Variants in HEATR4 observed in about 807,000 individuals in gnomAD.
HEATR4 encodes the protein HEAT repeat containing 4, also known as HEAT repeat-containing protein 4.
A neutral mutation model predicts 108.8 loss-of-function variants in HEATR4; 95 were observed. That is an observed-to-expected ratio of 0.87 (90% CI 0.74 to 1.04). HEATR4 has a LOEUF of 1.04. Ranked by LOEUF, HEATR4 falls within the 50% of genes least tolerant of loss-of-function variation. The probability of loss-of-function intolerance (pLI) is 0.00; values close to 1 mark genes in which losing one functional copy is unlikely to be tolerated. For synonymous variants in HEATR4, 443 were observed against 459.4 expected (o/e 0.96, Z 0.46); for missense variants, 1,152 against 1,253.8 (o/e 0.92, Z 1.23).
the HEATR4 span, among the ~76,000 whole-genome samples, chr14:73,604,110 CACAA>C: frequency 1.6e-4 from 24 of 151,328 alleles, no homozygotes; most frequent in South Asian, 6.3e-4. Context: ...TATACAACTA[CACAA>C]ACAGACAGAA....
Position 73,522,995 on chromosome 14 carries a change from G to A in HEATR4, c.158C>T (p.Ser53Leu). 1 of 1,614,000 alleles carries A rather than the reference G, an allele frequency of 6.2e-7. No individual in the cohort carries two copies. The highest frequency in any genetic ancestry group is 8.5e-7 in the Non-Finnish European group (1 of 1,180,022). ...VSSVPMVFFS[S>L]QYRLHRKSQY... ...GCTCTTGCGGTGTAGACGGTACTGT[G>A]AGCTGAAGAAGACCATAGGCACACT... The change falls in exon 3 of 18, where the codon TCA (serine) becomes TTA (leucine). Residue 53 changes from serine (S) to leucine (L), a missense_variant. Transcript: ENST00000553558.
chr14:73,599,921 T>C, the HEATR4 span, among the ~76,000 whole-genome samples: 1 of 152,182 alleles, frequency 6.6e-6, no homozygotes, highest in Non-Finnish European at 1.5e-5. Flanking sequence ...CCCAAAAATC[T>C]CATTTCATTA....
At position 73,554,410 on chromosome 14, in the gene HEATR4, A is replaced by G. The variant is rs1284497265; in HGVS notation, c.-152+4341T>C. Among the ~76,000 whole-genome samples, 2 of 116,180 alleles carry G rather than the reference A, an allele frequency of 1.7e-5. 1 individual carries two copies. Among genetic ancestry groups the G allele is most frequent in the Non-Finnish European group, 3.8e-5 (2 of 52,634 alleles). The allele number at this position is 116,180 out of a possible 152,430, so 76.2% of individuals were successfully genotyped here. A position where few individuals can be genotyped will look rare whatever the true frequency, so the allele number is the denominator to read the frequency against. On this transcript the variant is annotated intron_variant, in intron 1 of 17. Coordinates refer to ENST00000553558, the MANE Select transcript of HEATR4 (RefSeq NM_001220484.1). ...TGTTTGATGGGCAGTATGCCATATT[A>G]TACCCAAAGTTCGTTTAAAAAATAT...
At chr14:73,583,225 C>T in the HEATR4 span, among the ~76,000 whole-genome samples, 2 of 151,778 alleles carry the variant, frequency 1.3e-5, no homozygotes, top group African/African-American at 4.8e-5. Flanking sequence ...GCCTGTAGTC[C>T]CACCTACTTG....
intron 17 of HEATR4, chr14:73,491,131 G>A: frequency 6.2e-7 from 1 of 1,607,800 alleles, no homozygotes. Context: ...GGTCCAGGAA[G>A]ATACGAAAGC....
chr14:73,514,596 T>A (rs923633430), intron 5 of HEATR4, among the ~76,000 whole-genome samples: 11 of 152,254 alleles, frequency 7.2e-5, no homozygotes, highest in Non-Finnish European at 2.9e-5. Context: ...TACGTTGCAA[T>A]TTAGTGTCAT....
At chr14:73,563,782 C>G (rs1011873868), upstream of HEATR4, among the ~76,000 whole-genome samples, 1 of 151,742 alleles carries the variant, frequency 6.6e-6, no homozygotes, top group African/African-American at 2.4e-5. Flanking sequence ...GGCAACATAG[C>G]AAGACCCTGT....
At chr14:73,619,784 C>T in the HEATR4 span, 4 of 1,610,910 alleles carry the variant, frequency 2.5e-6, no homozygotes, top group East Asian at 8.9e-5. Context: ...CAAATTCAAA[C>T]TTTCTTCCAT....
In HEATR4 at chr14:73,534,419, G is replaced by GTATA. The variant is rs1888798757; in HGVS notation, c.-151-4176_-151-4175insTATA. Among the ~76,000 whole-genome samples the GTATA allele has an allele frequency of 1.8e-5, 2 of 110,162 alleles. 1 individual carries two copies. The allele number at this position is 110,162 out of a possible 152,430, so 72.3% of individuals were successfully genotyped here. On this transcript the variant is annotated intron_variant, in intron 1 of 17. Coordinates refer to ENST00000553558, the MANE Select transcript of HEATR4 (RefSeq NM_001220484.1). ...ATTAAAAAAAGAAACATGGCCGAGT[G>GTATA]TAGTGGCTCTTGCCTATAATCCCAA...
the HEATR4 span, among the ~76,000 whole-genome samples, chr14:73,627,899 C>T: frequency 5.3e-5 from 8 of 152,084 alleles, no homozygotes; most frequent in African/African-American, 1.7e-4. Flanking sequence ...ACTTCCGTCT[C>T]CTGGATTCAA....
chr14:73,628,881 C>T, the HEATR4 span, among the ~76,000 whole-genome samples: 3 of 151,574 alleles, frequency 2.0e-5, no homozygotes, highest in South Asian at 2.1e-4. Flanking sequence ...GTGAAACCCC[C>T]GTCTCTACTA....
At chr14:73,587,514 C>G in the HEATR4 span, among the ~76,000 whole-genome samples, 1 of 152,014 alleles carries the variant, frequency 6.6e-6, no homozygotes. Flanking sequence ...GGCCACCACA[C>G]CCAGCTAATT....
At chr14:73,504,971 GC>G (rs1886719248) in intron 10 of HEATR4, among the ~76,000 whole-genome samples, 1 of 151,698 alleles carries the variant, frequency 6.6e-6, no homozygotes, top group Non-Finnish European at 1.5e-5. Flanking sequence ...TCGCTCTGTC[GC>G]CCAGGCTGGA....
the HEATR4 span, among the ~76,000 whole-genome samples, chr14:73,599,877 A>C: frequency 6.6e-6 from 1 of 152,196 alleles, no homozygotes; most frequent in Non-Finnish European, 1.5e-5. Context: ...CTCCACATGT[A>C]AAATAACACC....
the HEATR4 span, chr14:73,619,856 C>T: frequency 2.6e-6 from 4 of 1,546,514 alleles, no homozygotes; most frequent in Non-Finnish European, 2.6e-6. Context: ...AGCCACAGAC[C>T]AGATACCATT....
At chr14:73,569,522 C>T in the HEATR4 span, 1 of 1,608,604 alleles carries the variant, frequency 6.2e-7, no homozygotes. Flanking sequence ...AGCAGCCGGT[C>T]ACGCTGCGCG....
rs1456618130 is a variant in HEATR4, at chr14:73,498,274, C to T, written c.2427G>A (p.Glu809=). 25 of 1,614,090 alleles carry T rather than the reference C, an allele frequency of 1.5e-5. No individual in the cohort carries two copies. The highest frequency in any genetic ancestry group is 1.9e-5 in the Non-Finnish European group (23 of 1,180,010). The change falls in exon 14 of 18, where the codon GAG becomes GAA. Residue 809 remains glutamate, a synonymous_variant. Transcript: ENST00000553558. Reference sequence around the variant, plus strand: ...AAGCTTCCAGCCGTACACCTGGTGACTCTTCATAGTGGATAGCCCAGAGCA... The same window carrying T: ...AAGCTTCCAGCCGTACACCTGGTGATTCTTCATAGTGGATAGCCCAGAGCA... The part of the protein sequence containing the change: ...DLLLWAIHYE[E]SPGVRLEACR...
At chr14:73,623,064 A>G in the HEATR4 span, among the ~76,000 whole-genome samples, 1 of 151,770 alleles carries the variant, frequency 6.6e-6, no homozygotes, top group African/African-American at 2.4e-5. Context: ...ATGCACCACC[A>G]TGCCCGGCTA....
At chr14:73,629,707 C>T in the HEATR4 span, among the ~76,000 whole-genome samples, 1 of 150,822 alleles carries the variant, frequency 6.6e-6, no homozygotes, top group African/African-American at 2.4e-5. Context: ...TGCAGTGGTG[C>T]AATCTCAGCT....
Sources: gnomAD v4.1 joint callset for allele counts (sites outside exome capture counted in the v4.1 genomes callset) on GRCh38, gnomAD v4.1.1 for gene constraint, MANE v1.5 for transcripts, NCBI Gene and HGNC (gene_info 2026-07-23, HGNC 2026-07-21) for gene names.